The following ZNF384 variants were observed in gnomAD, a reference collection of about 807,000 sequenced individuals.
ZNF384 encodes zinc finger protein 384.
Under a neutral mutation model 65.0 loss-of-function variants are expected in ZNF384, and 20 were observed. The observed-to-expected ratio is 0.31, with a 90% CI of 0.22 to 0.45. ZNF384 has a LOEUF of 0.45. Ranked by LOEUF, ZNF384 falls within the 20% of genes least tolerant of loss-of-function variation. The pLI is 1.00. For synonymous variants in ZNF384, 310 were observed against 303.9 expected, an observed-to-expected ratio of 1.02 and a Z score of -0.21; for missense variants, 549 against 769.4, an observed-to-expected ratio of 0.71 and a Z score of 3.39.
chr12:6,678,070 G>C lies in ZNF384; in HGVS notation c.686+57C>G. ...GGGGCAGAACACAATGAGGGTACAG[G>C]GAGAATCACCAAGCCAGGGATCCTC... On this transcript the variant is annotated intron_variant, in intron 6 of 11. Coordinates refer to ENST00000683879, the MANE Select transcript of ZNF384 (RefSeq NM_001385745.1). This position sits in a 1 kb window ranked among gnomAD's most constrained non-coding sequence, Gnocchi z 4.9. The C allele has an allele frequency of 6.6e-7, 1 of 1,508,652 alleles. No individual in the cohort carries two copies. Among genetic ancestry groups the C allele is most frequent in the Non-Finnish European group, 9.1e-7 (1 of 1,101,180 alleles). The allele number at this position is 1,508,652 out of a possible 1,614,324, so 93.5% of individuals were successfully genotyped here. A position where few individuals can be genotyped will look rare whatever the true frequency, so the allele number is the denominator to read the frequency against.
At position 6,678,647 on chromosome 12, in the gene ZNF384, T is replaced by G; in HGVS notation, c.352+16A>C. On this transcript the variant is annotated intron_variant, in intron 5 of 11. Transcript: ENST00000683879. The surrounding 1 kb of genome is among the most constrained non-coding windows in gnomAD (Gnocchi z 4.9). ...CTAACCCTTGTCCCCACCCCCCTGGTAACAGTGAGATTTACCCCTTGATTG... is the reference window on the plus strand; with the variant it reads ...CTAACCCTTGTCCCCACCCCCCTGGGAACAGTGAGATTTACCCCTTGATTG... The G allele has an allele frequency of 6.2e-7, 1 of 1,609,446 alleles. No homozygotes were observed. The highest frequency in any genetic ancestry group is 1.7e-5 in the Admixed American group (1 of 59,698).
intron 10 of ZNF384, among the ~76,000 whole-genome samples, chr12:6,670,313 A>T (rs1951040341): frequency 6.6e-6 from 1 of 152,062 alleles, no homozygotes; most frequent in Non-Finnish European, 1.5e-5. Flanking sequence ...CTAGAATCCC[A>T]GCTACTTGGG....
chr12:6,683,701 A>G (rs1017091775), intron 2 of ZNF384, among the ~76,000 whole-genome samples: 11 of 151,342 alleles, frequency 7.3e-5, no homozygotes, highest in African/African-American at 2.7e-4. Flanking sequence ...GAAGTAAAGT[A>G]AATGCACTAT....
In ZNF384 at chr12:6,672,241, G is replaced by A. The variant is rs968014060; in HGVS notation, c.1187+109C>T. The A allele has an allele frequency of 1.6e-6, 2 of 1,241,874 alleles. No individual in the cohort carries two copies. Among genetic ancestry groups the A allele is most frequent in the South Asian group, 1.5e-5 (1 of 65,720 alleles). The allele number at this position is 1,241,874 out of a possible 1,614,324, so 76.9% of individuals were successfully genotyped here. On this transcript the variant is annotated intron_variant, in intron 9 of 11. Transcript: ENST00000683879. The surrounding 1 kb of genome is among the most constrained non-coding windows in gnomAD (Gnocchi z 4.4). ...AGATGCCAGCCAGGTCTCTCCTCCA[G>A]CCAGGTCTCTCCCCCGCCCCCCGCA...
intron 11 of ZNF384, among the ~76,000 whole-genome samples, 171 bp from the exon 12 acceptor site, chr12:6,668,286 G>GA (rs201937647): frequency 1.4e-3 from 219 of 151,746 alleles, no homozygotes; most frequent in African/African-American, 4.9e-3. Flanking sequence ...TCACTACTGA[G>GA]AAAAAAAAGA....
chr12:6,679,402 T>C (rs1955023094), intron 3 of ZNF384, 53 bp downstream of exon 3: 1 of 1,539,952 alleles, frequency 6.5e-7, no homozygotes, highest in East Asian at 2.3e-5. Context: ...GTCTCCATAG[T>C]AACAGAACTT....
At position 6,679,106 on chromosome 12, in the gene ZNF384, G is replaced by C. The variant is rs780963809; in HGVS notation, c.144C>G (p.His48Gln). Residue 48 changes from histidine to glutamine, a missense_variant, in exon 4 of 12, where the codon CAC becomes CAG. Around this residue, in one of 5 missense-constraint regions of ZNF384, gnomAD observed 277 missense variants for 337.2 expected, o/e 0.82. Coordinates refer to ENST00000683879, the MANE Select transcript of ZNF384 (RefSeq NM_001385745.1). ...PEKGCGLAPP[H>Q]YPTLLTVPAS... Reference sequence around the variant, plus strand: ...CAGGCACTGTCAGCAAGGTGGGGTAGTGAGGTGGGGCCAGACCACAGCCCT... The same window carrying C: ...CAGGCACTGTCAGCAAGGTGGGGTACTGAGGTGGGGCCAGACCACAGCCCT... 5.0e-6 allele frequency: 8 copies of C among 1,613,834 alleles called. No homozygotes were observed. In the Admixed American group the frequency reaches 6.7e-5, roughly 13 times the overall value.
rs562780152 is a variant in ZNF384 at position 6,672,962 on chromosome 12, C to G, written c.1004+254G>C. ...ATATAGTAAAAGCAGGCCTGCTCTG[C>G]AGAAGATTTCCAAACACAGACACAG... On this transcript the variant is annotated intron_variant, in intron 8 of 11. Transcript: ENST00000683879. The surrounding 1 kb of genome is among the most constrained non-coding windows in gnomAD (Gnocchi z 4.4). 1.9e-6 allele frequency: 1 copy of G among 522,802 alleles called. No homozygotes were observed. The highest frequency in any genetic ancestry group is 3.3e-5 in the East Asian group (1 of 30,206). 32.4% of individuals were successfully genotyped at this position (522,802 alleles called of 1,614,324 possible).
rs753793972 is a variant in ZNF384 at position 6,669,056 on chromosome 12, G to C, written c.1400C>G (p.Thr467Ser). 4.3e-6 allele frequency: 7 copies of C among 1,612,392 alleles called. No individual in the cohort carries two copies. The East Asian group carries it at 1.6e-4, about 36-fold the overall frequency. The part of the protein sequence containing the change: ...TVKHAKVYTC[T>S]ICSRAYTSET... ...TGATGTGTATGCCCGACTGCAGATA[G>C]TGCAGGTGTACACCTTGGCATGCTT... The change falls in exon 11 of 12, where the codon ACT becomes AGT. Residue 467 changes from threonine (T) to serine (S), a missense_variant. Physicochemically the swap from Thr to Ser is moderately conservative, Grantham distance 58. Around this residue, in one of 5 missense-constraint regions of ZNF384, gnomAD observed 136 missense variants for 183.0 expected, o/e 0.74. Coordinates refer to ENST00000683879, the MANE Select transcript of ZNF384 (RefSeq NM_001385745.1).
At position 6,673,001 on chromosome 12, in the gene ZNF384, A is replaced by C. The variant is rs1041598425; in HGVS notation, c.1004+215T>G. On this transcript the variant is annotated intron_variant, in intron 8 of 11. Coordinates refer to ENST00000683879, the MANE Select transcript of ZNF384 (RefSeq NM_001385745.1). This position sits in a 1 kb window ranked among gnomAD's most constrained non-coding sequence, Gnocchi z 4.7. ...ACACAGACACAGAGAGAAACCACAA[A>C]AATTGTTCCAGACTTTGGAATTGGA... is the stretch of plus-strand genomic sequence containing the variant. The C allele has an allele frequency of 2.1e-5, 12 of 572,464 alleles. No individual in the cohort carries two copies. In the Admixed American group the frequency reaches 3.4e-4, roughly 16 times the overall value. The allele number at this position is 572,464 out of a possible 1,614,324, so 35.5% of individuals were successfully genotyped here.
rs763552195 is a variant in ZNF384, at chr12:6,678,641, C to G, written c.352+22G>C. 2.9e-5 allele frequency: 47 copies of G among 1,613,064 alleles called. No individual in the cohort carries two copies. Among genetic ancestry groups the G allele is most frequent in the Non-Finnish European group, 3.9e-5 (46 of 1,179,478 alleles). ...GGTCTCCTAACCCTTGTCCCCACCCCCCTGGTAACAGTGAGATTTACCCCT... is the reference window on the plus strand; with the variant it reads ...GGTCTCCTAACCCTTGTCCCCACCCGCCTGGTAACAGTGAGATTTACCCCT... On this transcript the variant is annotated intron_variant, in intron 5 of 11. Coordinates refer to ENST00000683879, the MANE Select transcript of ZNF384 (RefSeq NM_001385745.1). This position sits in a 1 kb window ranked among gnomAD's most constrained non-coding sequence, Gnocchi z 4.9.
At position 6,667,903 on chromosome 12, in the gene ZNF384, TTGCTGCTGCTGC is replaced by T. The variant is rs3835029; in HGVS notation, c.1626_1637del (p.Gln544_Gln547del). 6,780 of 1,547,546 alleles carry T rather than the reference TTGCTGCTGCTGC, an allele frequency of 4.4e-3. 62 individuals carry two copies. In the Admixed American group the frequency reaches 0.064, roughly 15 times the overall value. On this transcript the variant is annotated inframe_deletion, in exon 12 of 12. Coordinates refer to ENST00000683879, the MANE Select transcript of ZNF384 (RefSeq NM_001385745.1). ...GAGACTGGAAGTGTGGTGGTGGCTG[TTGCTGCTGCTGC>T]TGCTGCTGCTGCTGCTGCTGCTGCT...
intron 11 of ZNF384, 44 bp downstream of exon 11, chr12:6,668,987 T>C: frequency 6.4e-7 from 1 of 1,562,660 alleles, no homozygotes. Flanking sequence ...TGGACTGTAC[T>C]CTTAGAGGAC....
chr12:6,673,545 A>T lies in ZNF384; in HGVS notation c.780-105T>A. 6.6e-6 allele frequency: 6 copies of T among 902,392 alleles called. No homozygotes were observed. The highest frequency in any genetic ancestry group is 1.7e-5 in the African/African-American group (1 of 59,540). 55.9% of individuals were successfully genotyped at this position (902,392 alleles called of 1,614,324 possible). The stretch of plus-strand genomic sequence containing the variant: ...AGCCCACCTATCTGAGGTCTCTCCT[A>T]CTCCAACTTGAGAGTAGAGCTCTAT... On this transcript the variant is annotated intron_variant, in intron 7 of 11. Transcript: ENST00000683879. This position sits in a 1 kb window ranked among gnomAD's most constrained non-coding sequence, Gnocchi z 4.7.
chr12:6,683,602 C>A (rs940206608), intron 2 of ZNF384, among the ~76,000 whole-genome samples: 4 of 139,390 alleles, frequency 2.9e-5, no homozygotes, highest in South Asian at 4.4e-4. Context: ...CACCTGAGTG[C>A]AGTAAGTCGA....
rs576187408 is a variant in ZNF384 at position 6,685,771 on chromosome 12, A to G, written c.-6+2396T>C. 5.4e-5 allele frequency among the ~76,000 whole-genome samples: 7 copies of G among 129,460 alleles called. No homozygotes were observed. In the East Asian group the frequency reaches 1.6e-3, roughly 30 times the overall value. The allele number at this position is 129,460 out of a possible 152,430, so 84.9% of individuals were successfully genotyped here. On this transcript the variant is annotated intron_variant, in intron 2 of 11. Coordinates refer to ENST00000683879, the MANE Select transcript of ZNF384 (RefSeq NM_001385745.1). ...CAGCCTGGGCGACAGAGCGAGACTC[A>G]GTCTCAAAAAAAAAAAAAAAAAAAA...
intron 10 of ZNF384, among the ~76,000 whole-genome samples, chr12:6,669,446 G>A (rs1394524192): frequency 6.6e-6 from 1 of 152,006 alleles, no homozygotes; most frequent in Non-Finnish European, 1.5e-5. Flanking sequence ...TGAGGCATGG[G>A]GATCTTTAGG....
At chr12:6,682,939 A>C (rs1956584369) in intron 2 of ZNF384, among the ~76,000 whole-genome samples, 2 of 152,256 alleles carry the variant, frequency 1.3e-5, no homozygotes, top group Non-Finnish European at 2.9e-5. Context: ...CTTCTAGTGG[A>C]AAGAAATGAC....
In ZNF384 at chr12:6,673,435, C is replaced by A; in HGVS notation, c.785G>T (p.Arg262Leu). ...TTNLLCDPGC[R>L]MCSLTFYSKS... ...GGAGTAGAATGTCAGTGAGCACATCCGGCACCTGAGCCAAGTGAGGGCAAT... is the reference window on the plus strand; with the variant it reads ...GGAGTAGAATGTCAGTGAGCACATCAGGCACCTGAGCCAAGTGAGGGCAAT... The change falls in exon 8 of 12, where the codon CGG becomes CTG. Residue 262 changes from arginine to leucine, a missense_variant. By Grantham distance (102) the Arg-to-Leu change is moderately radical (BLOSUM62 -2). Transcript: ENST00000683879. This position sits in a 1 kb window ranked among gnomAD's most constrained non-coding sequence, Gnocchi z 4.7. 4 of 1,613,682 alleles carry A rather than the reference C, an allele frequency of 2.5e-6. No homozygotes were observed. Among genetic ancestry groups the A allele is most frequent in the Non-Finnish European group, 3.4e-6 (4 of 1,179,894 alleles).
Sources: gnomAD v4.1 joint callset for allele counts (sites outside exome capture counted in the v4.1 genomes callset) on GRCh38, gnomAD v4.1.1 for gene constraint, gnomAD v4.1.1 regional missense constraint, Gnocchi (gnomAD v3.1) non-coding constraint, MANE v1.5 for transcripts, NCBI Gene and HGNC (gene_info 2026-07-23, HGNC 2026-07-21) for gene names.